SLC38A6: variants seen among roughly 807,000 people sequenced by gnomAD.
SLC38A6 encodes N system amino acid transporter NAT-1.
SLC38A6 carries 73 observed loss-of-function variants against 65.0 expected under a neutral mutation model. The ratio of observed to expected loss-of-function variants is 1.12; its 90% confidence interval spans 0.93 to 1.37. SLC38A6 has a LOEUF of 1.37. Among genes scored for constraint, SLC38A6 ranks in the 40% most tolerant of loss-of-function variants. The probability of loss-of-function intolerance (pLI) is 0.00; values close to 1 mark genes in which losing one functional copy is unlikely to be tolerated. For missense variants in SLC38A6, 561 were observed against 531.1 expected (o/e 1.06, Z -0.55); for synonymous variants, 183 against 178.8 (o/e 1.02, Z -0.19).
chr14:61,052,427 TAAAAG>T lies in SLC38A6; in HGVS notation c.*2_*6del, dbSNP rs1385289501. On this transcript the variant is annotated stop_retained_variant and 3_prime_UTR_variant, in exon 16 of 16. Coordinates refer to ENST00000267488, the MANE Select transcript of SLC38A6 (RefSeq NM_153811.3). ...CATCATTTTTGATTGGATTAATAAA[TAAAAG>T]AAATATTTTCCTACTTCTTACAAGA... The T allele has an allele frequency of 1.3e-6, 2 of 1,559,328 alleles. No individual in the cohort carries two copies. Among genetic ancestry groups the T allele is most frequent in the Non-Finnish European group, 8.6e-7 (1 of 1,157,304 alleles).
intron 15 of SLC38A6, among the ~76,000 whole-genome samples, chr14:61,065,716 A>G (rs1265287382): frequency 1.3e-5 from 2 of 152,210 alleles, no homozygotes; most frequent in African/African-American, 2.4e-5. Context: ...GGGCCTGGGA[A>G]TAAGGTTATC....
intron 16 of SLC38A6, among the ~76,000 whole-genome samples, chr14:61,082,061 C>T (rs1186958177): frequency 6.6e-6 from 1 of 152,132 alleles, no homozygotes; most frequent in Non-Finnish European, 1.5e-5. Context: ...TAAACAACTG[C>T]AGGGCAGTGA....
At chr14:60,986,409 T>C (rs977784460) in intron 3 of SLC38A6, among the ~76,000 whole-genome samples, 6 of 152,366 alleles carry the variant, frequency 3.9e-5, no homozygotes, top group African/African-American at 2.4e-5. Flanking sequence ...GTGCCAGATA[T>C]GTTTTTAACA....
intron 3 of SLC38A6, among the ~76,000 whole-genome samples, chr14:61,005,730 T>TCAATATCATGA (rs1277767709): frequency 6.6e-6 from 1 of 152,144 alleles, no homozygotes; most frequent in African/African-American, 2.4e-5. Context: ...GTAGGAAGAA[T>TCAATATCATGA]CAATATCATG....
rs370464154 is a variant in SLC38A6 at position 61,023,509 on chromosome 14, GTTGCAGTAAGCCAAGATC to G, written c.403+3931_403+3948del. ...AATCGTTTAAACCCGGTAGACGGAG[GTTGCAGTAAGCCAAGATC>G]TCGCCACTGAACTCCAACCTGGGCA... On this transcript the variant is annotated intron_variant, in intron 5 of 15. Coordinates refer to ENST00000267488, the MANE Select transcript of SLC38A6 (RefSeq NM_153811.3). Among the ~76,000 whole-genome samples the G allele has an allele frequency of 3.7e-3, 560 of 151,304 alleles. 5 individuals are homozygous for G. Among genetic ancestry groups the G allele is most frequent in the African/African-American group, 0.012 (513 of 41,300 alleles).
rs113104987 is a variant in SLC38A6, at chr14:61,019,352, T to C, written c.364-189T>C. ...TTCTTTATAGTAACTTTGGAACTAT[T>C]AAAGAAATACTTTTTAATGTGATGA... On this transcript the variant is annotated intron_variant, in intron 4 of 15. Transcript: ENST00000267488. 8.5e-3 allele frequency among the ~76,000 whole-genome samples: 1,292 copies of C among 152,308 alleles called. 22 individuals are homozygous for C. The highest frequency in any genetic ancestry group is 0.029 in the African/African-American group (1,219 of 41,570).
chr14:61,010,063 T>C (rs2039439064), intron 3 of SLC38A6, among the ~76,000 whole-genome samples: 1 of 152,248 alleles, frequency 6.6e-6, no homozygotes, highest in Non-Finnish European at 1.5e-5. Context: ...AACTTTTTAA[T>C]GATTGCCATT....
chr14:61,068,592 G>A (rs557986444), intron 15 of SLC38A6, among the ~76,000 whole-genome samples: 3 of 152,188 alleles, frequency 2.0e-5, no homozygotes, highest in African/African-American at 7.2e-5. Flanking sequence ...TTTAAGCCTC[G>A]GGTCAACTGT....
At chr14:61,038,075 T>TA (rs1457668487) in intron 8 of SLC38A6, among the ~76,000 whole-genome samples, 4 of 152,048 alleles carry the variant, frequency 2.6e-5, no homozygotes, top group African/African-American at 9.7e-5. Context: ...ATTCCATTAA[T>TA]AAAAAAACAG....
chr14:60,986,045 A>G (rs1306504910), intron 3 of SLC38A6, among the ~76,000 whole-genome samples: 1 of 152,250 alleles, frequency 6.6e-6, no homozygotes, highest in East Asian at 1.9e-4. Flanking sequence ...CTTTGGCCCT[A>G]CCTCCAACAC....
intron 3 of SLC38A6, among the ~76,000 whole-genome samples, chr14:60,990,740 G>C (rs1468819117): frequency 6.6e-6 from 1 of 152,130 alleles, no homozygotes; most frequent in East Asian, 1.9e-4. Context: ...CAGCCTCCCG[G>C]GTAGCTGGTA....
intron 3 of SLC38A6, among the ~76,000 whole-genome samples, chr14:61,008,196 G>C (rs1325681930): frequency 1.3e-5 from 2 of 152,130 alleles, no homozygotes; most frequent in Admixed American, 6.5e-5. Context: ...GAAAAGGGCT[G>C]TATCATTCAT....
intron 5 of SLC38A6, 25 bp downstream of exon 5, chr14:61,019,605 T>G (rs745985154): frequency 1.2e-6 from 2 of 1,609,122 alleles, no homozygotes; most frequent in Admixed American, 1.7e-5. Context: ...GTGCACTGTT[T>G]ATACATAAAT....
chr14:61,075,799 G>A (rs1479214314), intron 15 of SLC38A6, among the ~76,000 whole-genome samples: 3 of 149,700 alleles, frequency 2.0e-5, no homozygotes, highest in African/African-American at 7.4e-5. Flanking sequence ...GTGTGTGTGT[G>A]TGTGTGTGTG....
chr14:61,012,003 C>A (rs1263471264), intron 3 of SLC38A6, among the ~76,000 whole-genome samples: 1 of 152,172 alleles, frequency 6.6e-6, no homozygotes, highest in Admixed American at 6.5e-5. Flanking sequence ...GCTGTGATTG[C>A]ATCTGGTCCT....
chr14:61,061,658 T>A lies in SLC38A6; in HGVS notation c.1290+9523T>A, dbSNP rs1183364527. 2.6e-5 allele frequency among the ~76,000 whole-genome samples: 4 copies of A among 152,348 alleles called. No homozygotes were observed. In the East Asian group the frequency reaches 5.8e-4, roughly 22 times the overall value. ...TAGAAATATGCAATTAAGTTTCTTC[T>A]ATGTCTTTTTGTGGCTTAATAGCTC... On this transcript the variant is annotated intron_variant, in intron 15 of 16. Coordinates refer to the SLC38A6 transcript ENST00000354886.
intron 5 of SLC38A6, among the ~76,000 whole-genome samples, chr14:61,027,033 C>A (rs1050679136): frequency 2.0e-5 from 3 of 152,140 alleles, no homozygotes; most frequent in Non-Finnish European, 2.9e-5. Flanking sequence ...CACCTTGCAA[C>A]TTGCTATTAC....
Position 60,981,284 on chromosome 14 carries a change from G to A in SLC38A6, c.7G>A (p.Ala3Thr), listed in dbSNP as rs1173785803. 1 of 1,604,410 alleles carries A rather than the reference G, an allele frequency of 6.2e-7. No homozygotes were observed. The highest frequency in any genetic ancestry group is 8.5e-7 in the Non-Finnish European group (1 of 1,175,742). The change falls in exon 1 of 16, where the codon GCG becomes ACG. Residue 3 changes from alanine (A) to threonine (T), a missense_variant. Transcript: ENST00000267488. ...TAGTCAGCTGGAGAGCAGCATGGAG[G>A]CGTCCTGGGGGAGCTTCAACGCTGA... is the stretch of plus-strand genomic sequence containing the variant. Reference protein sequence around the residue: MEASWGSFNAERG... With the variant: METSWGSFNAERG...
chr14:61,008,773 G>C (rs2039336858), intron 3 of SLC38A6, among the ~76,000 whole-genome samples: 1 of 152,116 alleles, frequency 6.6e-6, no homozygotes, highest in Admixed American at 6.6e-5. Flanking sequence ...TGGGATAAGA[G>C]TATTATTTTT....
Sources: gnomAD v4.1 joint callset for allele counts (sites outside exome capture counted in the v4.1 genomes callset) on GRCh38, gnomAD v4.1.1 for gene constraint, MANE v1.5 for transcripts, NCBI Gene and HGNC (gene_info 2026-07-23, HGNC 2026-07-21) for gene names.